RBFOX1: variants seen among roughly 807,000 people sequenced by gnomAD.
The protein encoded by RBFOX1 is RNA binding protein fox-1 homolog 1.
A neutral mutation model predicts 57.7 loss-of-function variants in RBFOX1; 8 were observed. The ratio of observed to expected loss-of-function variants is 0.14; its 90% CI spans 0.08 to 0.25. The LOEUF (loss-of-function observed/expected upper bound fraction) is 0.25, where lower values mean the gene tolerates loss of function less well. Among genes scored for constraint, RBFOX1 ranks in the 10% least tolerant of loss-of-function variants. RBFOX1 has a pLI of 1.00. For missense variants in RBFOX1, 611 were observed against 548.5 expected (o/e 1.11, Z -1.14); for synonymous variants, 326 against 222.4 (o/e 1.47, Z -4.15).
intron 3 of RBFOX1, among the ~76,000 whole-genome samples, chr16:5,674,910 G>C (rs548008844): frequency 1.3e-5 from 2 of 152,134 alleles, no homozygotes; most frequent in Admixed American, 6.5e-5. Flanking sequence ...ACTTTGGAAG[G>C]CTGAGGCAGG....
intron 1 of RBFOX1, among the ~76,000 whole-genome samples, chr16:6,186,555 G>T (rs2097106557): frequency 6.6e-6 from 1 of 152,188 alleles, no homozygotes. Flanking sequence ...TCAGGGAAAA[G>T]AACTGGACAT....
chr16:6,040,758 C>A (rs1421172006), intron 1 of RBFOX1, among the ~76,000 whole-genome samples: 31 of 152,182 alleles, frequency 2.0e-4, no homozygotes. Flanking sequence ...CCATGCCTGG[C>A]AAATTTTTTG....
intron 2 of RBFOX1, among the ~76,000 whole-genome samples, chr16:6,488,905 G>T (rs78858163): frequency 0.033 from 4,991 of 152,214 alleles, 276 homozygotes; most frequent in African/African-American, 0.11. Context: ...AACATGGTCT[G>T]ATTTTTCAAG....
At chr16:5,745,842 T>A (rs1171307436) in intron 3 of RBFOX1, among the ~76,000 whole-genome samples, 2 of 152,198 alleles carry the variant, frequency 1.3e-5, no homozygotes, top group Non-Finnish European at 1.5e-5. Context: ...ATATTACCCC[T>A]TTGGCAGATG....
At chr16:6,832,861 C>G (rs566368836) in intron 3 of RBFOX1, among the ~76,000 whole-genome samples, 7 of 152,296 alleles carry the variant, frequency 4.6e-5, no homozygotes, top group African/African-American at 1.7e-4. Flanking sequence ...CGTATCAAAG[C>G]CTGTGCTAGA....
In RBFOX1 at chr16:7,459,038, ATGAT is replaced by A. The variant is rs925667538; in HGVS notation, c.28-59108_28-59105del. Among the ~76,000 whole-genome samples, 127 of 152,200 alleles carry A rather than the reference ATGAT, an allele frequency of 8.3e-4. No homozygotes were observed. The Middle Eastern group carries it at 0.01, about 12-fold the overall frequency. On this transcript the variant is annotated intron_variant, in intron 4 of 15. Transcript: ENST00000550418. ...AATGGATGGGTGAATGGATGGATGAATGATGGATGGATGGATGAATGCAATAGAT... is the reference window on the plus strand; with the variant it reads ...AATGGATGGGTGAATGGATGGATGAAGGATGGATGGATGAATGCAATAGAT...
intron 2 of RBFOX1, among the ~76,000 whole-genome samples, chr16:6,597,704 C>G (rs1056228900): frequency 6.6e-6 from 1 of 152,000 alleles, no homozygotes; most frequent in Non-Finnish European, 1.5e-5. Context: ...AAACAGGGAC[C>G]CAATTCTGGC....
chr16:7,466,828 T>C (rs8055842), intron 4 of RBFOX1, among the ~76,000 whole-genome samples: 140,830 of 152,248 alleles, frequency 0.93, 65,314 homozygotes, highest in East Asian at 1. Context: ...GGGGACACCA[T>C]ACTTCCAAAG....
chr16:7,296,473 C>T (rs1473967997), intron 4 of RBFOX1, among the ~76,000 whole-genome samples: 1 of 152,030 alleles, frequency 6.6e-6, no homozygotes. Context: ...GATAAGAAGT[C>T]TGAGAATCAT....
intron 2 of RBFOX1, among the ~76,000 whole-genome samples, chr16:6,547,083 C>A (rs556921367): frequency 3.9e-5 from 6 of 152,350 alleles, no homozygotes; most frequent in Admixed American, 3.3e-4. Flanking sequence ...GAAATGTGTT[C>A]TTCCCCTGCC....
chr16:7,081,578 G>T (rs1236326657), intron 4 of RBFOX1, among the ~76,000 whole-genome samples: 3 of 152,106 alleles, frequency 2.0e-5, no homozygotes, highest in Admixed American at 2.0e-4. Flanking sequence ...CATTATTTAT[G>T]TACTTTTTAA....
At chr16:6,075,567 C>T (rs899897923) in intron 1 of RBFOX1, among the ~76,000 whole-genome samples, 11 of 152,132 alleles carry the variant, frequency 7.2e-5, no homozygotes, top group Non-Finnish European at 1.3e-4. Flanking sequence ...AGATTTACGC[C>T]ATAGAACAAA....
chr16:6,586,949 T>G (rs1430947001), intron 2 of RBFOX1, among the ~76,000 whole-genome samples: 8 of 152,212 alleles, frequency 5.3e-5, no homozygotes, highest in African/African-American at 1.9e-4. Flanking sequence ...ATATATATTG[T>G]GGAATGCTTA....
At chr16:6,422,587 C>G (rs1367846249) in intron 2 of RBFOX1, among the ~76,000 whole-genome samples, 5 of 152,098 alleles carry the variant, frequency 3.3e-5, no homozygotes, top group Non-Finnish European at 7.3e-5. Context: ...CTGGGGATGC[C>G]TCAGGAAGCT....
chr16:7,073,093 C>G (rs1173565808), intron 4 of RBFOX1, among the ~76,000 whole-genome samples: 1 of 152,144 alleles, frequency 6.6e-6, no homozygotes, highest in Non-Finnish European at 1.5e-5. Flanking sequence ...GTTGAGACTC[C>G]AGAAAGATCA....
At chr16:6,121,637 A>C (rs1417638688) in intron 1 of RBFOX1, among the ~76,000 whole-genome samples, 1 of 152,082 alleles carries the variant, frequency 6.6e-6, no homozygotes, top group Non-Finnish European at 1.5e-5. Flanking sequence ...CTCAGTGGGG[A>C]CATCTGTTCC....
intron 2 of RBFOX1, among the ~76,000 whole-genome samples, chr16:6,506,213 G>C (rs980287706): frequency 6.6e-6 from 1 of 152,140 alleles, no homozygotes; most frequent in African/African-American, 2.4e-5. Flanking sequence ...TGCCCCAAGT[G>C]GGAGGCAGAA....
At chr16:5,709,969 C>T (rs1425075444) in intron 3 of RBFOX1, among the ~76,000 whole-genome samples, 33 of 146,280 alleles carry the variant, frequency 2.3e-4, no homozygotes, top group Admixed American at 2.1e-3. Flanking sequence ...GATATCTATC[C>T]CAAAGGTGTT....
At chr16:6,332,486 A>G (rs1186263355) in intron 2 of RBFOX1, among the ~76,000 whole-genome samples, 5 of 152,234 alleles carry the variant, frequency 3.3e-5, no homozygotes, top group Admixed American at 3.3e-4. Flanking sequence ...TGGCAGGAAT[A>G]ATGTTGAATA....
Sources: allele counts gnomAD v4.1 joint callset (sites outside exome capture counted in the v4.1 genomes callset), GRCh38; gene constraint gnomAD v4.1.1; transcripts MANE v1.5; gene names NCBI Gene and HGNC (gene_info 2026-07-23, HGNC 2026-07-21).